The following MAGI1 variants were observed in gnomAD, a reference collection of about 807,000 sequenced individuals.
MAGI1 encodes membrane associated guanylate kinase, WW and PDZ domain containing 1.
Under a neutral mutation model 139.9 loss-of-function variants are expected in MAGI1, and 58 were observed. The ratio of observed to expected loss-of-function variants is 0.41; its 90% CI spans 0.34 to 0.52. The LOEUF (loss-of-function observed/expected upper bound fraction) is 0.52. MAGI1 is among the 20% of genes least tolerant of loss of function. The probability of loss-of-function intolerance (pLI) is 0.12; values close to 1 mark genes in which losing one functional copy is unlikely to be tolerated. For synonymous variants in MAGI1, 812 were observed against 737.9 expected (o/e 1.10, Z -1.63); for missense variants, 1,874 against 1,901.6 (o/e 0.99, Z 0.27).
intron 1 of MAGI1, among the ~76,000 whole-genome samples, chr3:65,921,919 G>GACACACACACACACAC (rs35532734): frequency 1.9e-4 from 27 of 140,844 alleles, no homozygotes; most frequent in Middle Eastern, 3.7e-3. Context: ...CCACACACAC[G>GACACACACACACACAC]ACACACACAC....
intron 2 of MAGI1, among the ~76,000 whole-genome samples, chr3:65,537,824 A>G (rs2079030948): frequency 6.6e-6 from 1 of 152,204 alleles, no homozygotes; most frequent in South Asian, 2.1e-4. Context: ...GAAGATAATT[A>G]TCTTTTAAAT....
intron 2 of MAGI1, among the ~76,000 whole-genome samples, chr3:65,520,593 T>C (rs1417087886): frequency 1.3e-5 from 2 of 152,154 alleles, no homozygotes; most frequent in African/African-American, 4.8e-5. Flanking sequence ...AAGTGAGCTA[T>C]TAATAGGATT....
In MAGI1 at chr3:65,356,658, C is replaced by A; in HGVS notation, c.4109G>T (p.Arg1370Leu). 1 of 1,583,728 alleles carries A rather than the reference C, an allele frequency of 6.3e-7. No individual in the cohort carries two copies. Among genetic ancestry groups the A allele is most frequent in the South Asian group, 1.2e-5 (1 of 86,474 alleles). The change falls in exon 23 of 23, where the codon CGG becomes CTG. Residue 1370 changes from arginine to leucine, a missense_variant. By Grantham distance (102) the Arg-to-Leu change is moderately radical (BLOSUM62 -2). Around this residue, in one of 5 missense-constraint regions of MAGI1, gnomAD observed 653 missense variants for 644.5 expected, o/e 1.01. Coordinates refer to ENST00000402939, the MANE Select transcript of MAGI1 (RefSeq NM_001033057.2). ...TRRRDGSPSR[R>L]RRSLERLLEQ... is the part of the protein sequence containing the mutation. ...CAGGAGTCTCTCCAGAGACCGTCTC[C>A]GCCGGCTGGGGGAGCCGTCTCTCCT...
rs58736926 is a variant in MAGI1, at chr3:66,032,914, C to CA, written c.313+5081dup. ...TGGGCAACAGAGCGAAACTCCATCT[C>CA]AAAAAAAAAAAAAAAAAAAACAACA... On this transcript the variant is annotated intron_variant, in intron 1 of 22. Transcript: ENST00000402939. Among the ~76,000 whole-genome samples the CA allele has an allele frequency of 3.4e-3, 377 of 110,172 alleles. 1 individual carries two copies. Among genetic ancestry groups the CA allele is most frequent in the South Asian group, 4.2e-3 (12 of 2,880 alleles). The allele number at this position is 110,172 out of a possible 152,430, so 72.3% of individuals were successfully genotyped here.
intron 2 of MAGI1, among the ~76,000 whole-genome samples, chr3:65,613,894 GAA>G (rs1249056228): frequency 1.3e-5 from 2 of 152,134 alleles, no homozygotes; most frequent in East Asian, 3.8e-4. Context: ...AAGAGAAACT[GAA>G]AAGAGTGTTT....
intron 1 of MAGI1, among the ~76,000 whole-genome samples, chr3:65,945,866 G>A (rs1015259884): frequency 6.6e-6 from 1 of 152,196 alleles, no homozygotes; most frequent in Non-Finnish European, 1.5e-5. Context: ...TTCTAACACT[G>A]CCAATCCCTG....
At chr3:65,714,630 T>C (rs1299421223) in intron 1 of MAGI1, among the ~76,000 whole-genome samples, 4 of 152,016 alleles carry the variant, frequency 2.6e-5, no homozygotes, top group Non-Finnish European at 5.9e-5. Context: ...AATTATTAGC[T>C]TGTAAGTAGG....
intron 1 of MAGI1, among the ~76,000 whole-genome samples, chr3:65,970,270 T>C (rs2064958626): frequency 6.6e-6 from 1 of 152,158 alleles, no homozygotes; most frequent in Admixed American, 6.5e-5. Context: ...AGTCCACTTA[T>C]ATGAGGTACC....
chr3:65,562,196 T>C (rs2080388678), intron 2 of MAGI1, among the ~76,000 whole-genome samples: 1 of 152,136 alleles, frequency 6.6e-6, no homozygotes, highest in Admixed American at 6.6e-5. Flanking sequence ...AGTCCTGGAA[T>C]GTACCCCTGT....
chr3:65,821,905 G>C (rs993709894), intron 1 of MAGI1, among the ~76,000 whole-genome samples: 8 of 152,154 alleles, frequency 5.3e-5, no homozygotes, highest in Non-Finnish European at 1.2e-4. Flanking sequence ...AATAAACCCT[G>C]AGACAAATAT....
In MAGI1 at chr3:65,487,574, G is replaced by A. The variant is rs558042845; in HGVS notation, c.550+5938C>T. On this transcript the variant is annotated intron_variant, in intron 3 of 22. Coordinates refer to ENST00000402939, the MANE Select transcript of MAGI1 (RefSeq NM_001033057.2). The stretch of plus-strand genomic sequence containing the variant: ...AGAAACTAACTTTACTGCATTTCCA[G>A]CTGTAAAGTCCTACAACCGACCAAT... Among the ~76,000 whole-genome samples the A allele has an allele frequency of 2.0e-5, 3 of 152,262 alleles. No individual in the cohort carries two copies. The East Asian group carries it at 5.8e-4, about 30-fold the overall frequency.
At chr3:65,892,584 GTATAAT>G (rs1273730548) in intron 1 of MAGI1, among the ~76,000 whole-genome samples, 1 of 152,118 alleles carries the variant, frequency 6.6e-6, no homozygotes, top group Non-Finnish European at 1.5e-5. Flanking sequence ...TTAATGTTAA[GTATAAT>G]TATAACAGCA....
At chr3:65,957,166 T>A (rs2064164854) in intron 1 of MAGI1, among the ~76,000 whole-genome samples, 2 of 151,838 alleles carry the variant, frequency 1.3e-5, no homozygotes. Flanking sequence ...ACAAATCTCA[T>A]CAAAAGTAGG....
At chr3:65,820,540 G>T (rs573636909) in intron 1 of MAGI1, among the ~76,000 whole-genome samples, 2 of 152,144 alleles carry the variant, frequency 1.3e-5, no homozygotes, top group East Asian at 1.9e-4. Flanking sequence ...ATCTTTCGGG[G>T]TCATGAGCCT....
chr3:65,480,161 CA>C (rs55886178), intron 3 of MAGI1, among the ~76,000 whole-genome samples: 26 of 140,462 alleles, frequency 1.9e-4, no homozygotes, highest in East Asian at 2.1e-4. Context: ...ACACAAGCAC[CA>C]AAAAAAAAAA....
At chr3:65,927,968 T>C (rs1397126848) in intron 1 of MAGI1, among the ~76,000 whole-genome samples, 1 of 152,216 alleles carries the variant, frequency 6.6e-6, no homozygotes, top group African/African-American at 2.4e-5. Flanking sequence ...TTGAGGAATA[T>C]GATCACCCTA....
At chr3:65,951,023 GGAAGGAAGGA>G (rs1560047226) in intron 1 of MAGI1, among the ~76,000 whole-genome samples, 4 of 103,974 alleles carry the variant, frequency 3.8e-5, no homozygotes, top group Non-Finnish European at 8.8e-5. Context: ...AAGGAAGGAA[GGAAGGAAGGA>G]AGGAAAGGAG....
intron 1 of MAGI1, among the ~76,000 whole-genome samples, chr3:65,972,791 C>T (rs1378989209): frequency 6.6e-6 from 1 of 152,200 alleles, no homozygotes; most frequent in South Asian, 2.1e-4. Context: ...CAGAACAACA[C>T]AAAAACATGT....
chr3:65,811,105 A>G (rs897051864), intron 1 of MAGI1, among the ~76,000 whole-genome samples: 1 of 152,240 alleles, frequency 6.6e-6, no homozygotes. Flanking sequence ...TAGAAAATAC[A>G]GTATCAAAGT....
Sources: allele counts gnomAD v4.1 joint callset (sites outside exome capture counted in the v4.1 genomes callset), GRCh38; gene constraint gnomAD v4.1.1; regional missense constraint gnomAD v4.1.1; transcripts MANE v1.5; gene names NCBI Gene and HGNC (gene_info 2026-07-23, HGNC 2026-07-21).